The following CADM2 variants were observed in gnomAD, a reference collection of about 807,000 sequenced individuals.
CADM2 encodes the protein cell adhesion molecule 2, also known as immunoglobulin superfamily member 4D.
In CADM2, 12 loss-of-function variants were observed where a neutral mutation model predicts 49.8. The ratio of observed to expected loss-of-function variants is 0.24; its 90% CI spans 0.15 to 0.39. The LOEUF (loss-of-function observed/expected upper bound fraction) is 0.39, where lower values mean the gene tolerates loss of function less well. Ranked by LOEUF, CADM2 falls within the 10% of genes least tolerant of loss-of-function variation. The pLI, the probability that CADM2 is intolerant of heterozygous loss-of-function variation, is 1.00. For synonymous variants in CADM2, 214 were observed against 175.4 expected, an observed-to-expected ratio of 1.22 and a Z score of -1.74; for missense variants, 378 against 492.3, an observed-to-expected ratio of 0.77 and a Z score of 2.20.
At chr3:84,969,794 C>G (rs951620552) in intron 1 of CADM2, among the ~76,000 whole-genome samples, 1 of 151,836 alleles carries the variant, frequency 6.6e-6, no homozygotes, top group African/African-American at 2.4e-5. Context: ...GTAGTCAATT[C>G]AAATTTGCAC....
intron 5 of CADM2, among the ~76,000 whole-genome samples, chr3:85,887,048 C>T (rs1256578060): frequency 6.6e-6 from 1 of 152,092 alleles, no homozygotes; most frequent in Non-Finnish European, 1.5e-5. Context: ...CAGGTTTATG[C>T]AAACCATTCT....
intron 8 of CADM2, chr3:86,013,687 TTGA>T: frequency 6.2e-7 from 1 of 1,601,660 alleles, no homozygotes; most frequent in Admixed American, 1.7e-5. Flanking sequence ...GTGGGGTTTG[TTGA>T]TGAATCTCAT....
At chr3:85,797,666 G>T (rs1355529033) in intron 2 of CADM2, among the ~76,000 whole-genome samples, 1 of 152,086 alleles carries the variant, frequency 6.6e-6, no homozygotes, top group East Asian at 1.9e-4. Context: ...ACATTGGTGG[G>T]CATTTGGGTT....
intron 1 of CADM2, among the ~76,000 whole-genome samples, chr3:85,684,034 G>T (rs186125345): frequency 6.6e-6 from 1 of 152,218 alleles, no homozygotes; most frequent in Non-Finnish European, 1.5e-5. Context: ...GAACAAAAGT[G>T]GTGTATGTTC....
chr3:85,406,095 A>G (rs1363436625), intron 1 of CADM2, among the ~76,000 whole-genome samples: 2 of 152,048 alleles, frequency 1.3e-5, no homozygotes, highest in Non-Finnish European at 2.9e-5. Flanking sequence ...AACATCTTTA[A>G]AATATTTGGT....
At chr3:85,698,615 A>G (rs1224283847) in intron 1 of CADM2, among the ~76,000 whole-genome samples, 3 of 152,096 alleles carry the variant, frequency 2.0e-5, no homozygotes. Context: ...GTTGCCACAC[A>G]TTTTTAAACA....
At chr3:85,484,538 T>C (rs1164937028) in intron 1 of CADM2, among the ~76,000 whole-genome samples, 1 of 151,924 alleles carries the variant, frequency 6.6e-6, no homozygotes, top group Non-Finnish European at 1.5e-5. Flanking sequence ...ACATCCATAC[T>C]AACAAAGTTA....
intron 5 of CADM2, among the ~76,000 whole-genome samples, chr3:85,887,182 G>T (rs944353409): frequency 4.4e-5 from 6 of 136,464 alleles, no homozygotes; most frequent in Non-Finnish European, 8.4e-5. Context: ...GCACTCCTAG[G>T]CTCCAGTGAT....
intron 1 of CADM2, among the ~76,000 whole-genome samples, chr3:85,126,651 C>T (rs565967170): frequency 1.1e-4 from 16 of 152,064 alleles, no homozygotes; most frequent in Admixed American, 4.6e-4. Flanking sequence ...AAAATCACTA[C>T]GGTTGTTTTA....
At chr3:85,794,646 A>G (rs2071517118) in intron 2 of CADM2, among the ~76,000 whole-genome samples, 1 of 152,136 alleles carries the variant, frequency 6.6e-6, no homozygotes, top group Non-Finnish European at 1.5e-5. Flanking sequence ...TCTGAAATCT[A>G]GGATGGTGGT....
intron 2 of CADM2, among the ~76,000 whole-genome samples, chr3:85,792,290 T>A (rs1341146582): frequency 6.6e-6 from 1 of 152,236 alleles, no homozygotes; most frequent in Non-Finnish European, 1.5e-5. Context: ...TATGCCAAAA[T>A]GAAGGGTCAA....
At chr3:85,366,076 G>T (rs1356375083) in intron 1 of CADM2, among the ~76,000 whole-genome samples, 1 of 152,194 alleles carries the variant, frequency 6.6e-6, no homozygotes. Flanking sequence ...AATACTTAAT[G>T]ATTTAGTTTG....
At chr3:85,301,469 C>A (rs771558048) in intron 1 of CADM2, among the ~76,000 whole-genome samples, 2 of 151,904 alleles carry the variant, frequency 1.3e-5, no homozygotes, top group Non-Finnish European at 2.9e-5. Flanking sequence ...TTTTTTAGGA[C>A]CTGCTACAAT....
intron 1 of CADM2, among the ~76,000 whole-genome samples, chr3:85,677,406 C>G: frequency 6.6e-6 from 1 of 152,048 alleles, no homozygotes; most frequent in East Asian, 1.9e-4. Flanking sequence ...AGAAGAATAA[C>G]AAGGATGGAA....
intron 7 of CADM2, among the ~76,000 whole-genome samples, chr3:85,952,432 C>T (rs1204311143): frequency 6.6e-6 from 1 of 150,908 alleles, no homozygotes; most frequent in Non-Finnish European, 1.5e-5. Context: ...CAGTTCTGCC[C>T]TCTTCCCTGA....
chr3:85,427,576 A>G (rs2036472109), intron 1 of CADM2, among the ~76,000 whole-genome samples: 1 of 152,122 alleles, frequency 6.6e-6, no homozygotes, highest in South Asian at 2.1e-4. Context: ...CTAAAATATG[A>G]GGAAATGACA....
At chr3:85,821,633 C>T (rs2073575145) in intron 3 of CADM2, among the ~76,000 whole-genome samples, 1 of 152,110 alleles carries the variant, frequency 6.6e-6, no homozygotes, top group East Asian at 1.9e-4. Context: ...GTTTTATCTT[C>T]TATGCAACAA....
Position 85,468,132 on chromosome 3 carries a change from C to T in CADM2, c.62-258390C>T, listed in dbSNP as rs907951141. On this transcript the variant is annotated intron_variant, in intron 1 of 9. Transcript: ENST00000383699. ...TCCCGCCACTGCACTCCAGCCTGGGCGACAGAGCGAGACTCCGTCTCAAAA... is the reference window on the plus strand; with the variant it reads ...TCCCGCCACTGCACTCCAGCCTGGGTGACAGAGCGAGACTCCGTCTCAAAA... 4.5e-5 allele frequency among the ~76,000 whole-genome samples: 5 copies of T among 110,958 alleles called. 1 individual carries two copies. The East Asian group carries it at 1.6e-3, about 35-fold the overall frequency. 72.8% of individuals were successfully genotyped at this position (110,958 alleles called of 152,430 possible).
At chr3:85,549,902 G>T (rs2061759841) in intron 1 of CADM2, among the ~76,000 whole-genome samples, 1 of 151,750 alleles carries the variant, frequency 6.6e-6, no homozygotes, top group African/African-American at 2.4e-5. Flanking sequence ...ACAGTGCTGG[G>T]ATTACAGACA....
Sources: allele counts gnomAD v4.1 joint callset (sites outside exome capture counted in the v4.1 genomes callset), GRCh38; gene constraint gnomAD v4.1.1; transcripts MANE v1.5; gene names NCBI Gene and HGNC (gene_info 2026-07-23, HGNC 2026-07-21).